Variants in XPO6 observed in about 807,000 individuals in gnomAD.
XPO6 encodes exportin-6.
A neutral mutation model predicts 130.0 loss-of-function variants in XPO6; 3 were observed. The observed-to-expected ratio is 0.02, with a 90% CI of 0.01 to 0.06. The LOEUF is 0.06. Ranked by LOEUF, XPO6 falls within the 10% of genes least tolerant of loss-of-function variation. The pLI, the probability that XPO6 is intolerant of heterozygous loss-of-function variation, is 1.00. For synonymous variants in XPO6, 524 were observed against 548.9 expected (o/e 0.95, Z 0.63); for missense variants, 970 against 1,393.0 (o/e 0.70, Z 4.83).
rs758995499 is a variant in XPO6, at chr16:28,156,468, T to A, written c.703A>T (p.Ile235Phe). Residue 235 changes from isoleucine (I) to phenylalanine (F), a missense_variant, in exon 7 of 24, where the codon ATT (isoleucine) becomes TTT (phenylalanine). Ile to Phe is a conservative substitution (Grantham distance 21). This residue lies in a region of XPO6 where 936 missense variants were observed against 1,306.8 expected (regional missense o/e 0.72). Transcript: ENST00000304658. ...TCACTCTCCACATCAAGGATGGGAA[T>A]TGGCTGATTCAACAGTTTGGCTGAA... Reference protein sequence around the residue: ...PSSAKLLNQPIPILDVESEYI... With the variant: ...PSSAKLLNQPFPILDVESEYI... 44 of 1,607,720 alleles carry A rather than the reference T, an allele frequency of 2.7e-5. 1 individual carries two copies. The highest frequency in any genetic ancestry group is 3.7e-5 in the Non-Finnish European group (44 of 1,175,272).
intron 15 of XPO6, among the ~76,000 whole-genome samples, chr16:28,113,268 G>A (rs931836570): frequency 1.3e-5 from 2 of 152,010 alleles, no homozygotes; most frequent in South Asian, 2.1e-4. Context: ...ACCTCCTCCC[G>A]TTCCTCCTTC....
At position 28,132,276 on chromosome 16, in the gene XPO6, T is replaced by G; in HGVS notation, c.1606+58A>C. 7.6e-7 allele frequency: 1 copy of G among 1,315,222 alleles called. No individual in the cohort carries two copies. Among genetic ancestry groups the G allele is most frequent in the Non-Finnish European group, 1.1e-6 (1 of 927,946 alleles). 81.5% of individuals were successfully genotyped at this position (1,315,222 alleles called of 1,614,324 possible). Reference sequence around the variant, plus strand: ...GACAGCAACGGCAGCAGTAATGAAATATCAGTCCGATGGTTTTTTGAATGT... The same window carrying G: ...GACAGCAACGGCAGCAGTAATGAAAGATCAGTCCGATGGTTTTTTGAATGT... On this transcript the variant is annotated intron_variant, in intron 12 of 23. Coordinates refer to ENST00000304658, the MANE Select transcript of XPO6 (RefSeq NM_015171.4). The surrounding 1 kb of genome is among the most constrained non-coding windows in gnomAD (Gnocchi z 4.0).
intron 9 of XPO6, among the ~76,000 whole-genome samples, chr16:28,143,443 A>G (rs1438018991): frequency 1.3e-5 from 2 of 152,208 alleles, no homozygotes; most frequent in Non-Finnish European, 2.9e-5. Context: ...AAGTACGTCC[A>G]TTTTGCAAGA....
At position 28,111,880 on chromosome 16, in the gene XPO6, G is replaced by A. The variant is rs1003901420; in HGVS notation, c.2278C>T (p.Arg760Trp). Residue 760 changes from arginine (R) to tryptophan (W), a missense_variant, in exon 17 of 24, where the codon CGG becomes TGG. By Grantham distance (101) the Arg-to-Trp change is moderately radical. Transcript: ENST00000304658. ...CTGGGCTTCAGGTTGCGATAGTCCCGGGAGAGTGCAGAGATGAGGCTGGCG... is the reference window on the plus strand; with the variant it reads ...CTGGGCTTCAGGTTGCGATAGTCCCAGGAGAGTGCAGAGATGAGGCTGGCG... The part of the protein sequence containing the change: ...NHASLISALS[R>W]DYRNLKPSAV... The A allele has an allele frequency of 8.7e-6, 14 of 1,614,044 alleles. No homozygotes were observed. The highest frequency in any genetic ancestry group is 6.6e-5 in the South Asian group (6 of 91,088).
Position 28,162,463 on chromosome 16 carries a change from CT to C in XPO6, c.643+4044del, listed in dbSNP as rs1474296563. On this transcript the variant is annotated intron_variant, in intron 6 of 23. Transcript: ENST00000304658. ...TAGCTTGATTACAAAACCTGTGACC[CT>C]GGCAGCGATACGCACCAATGCCCAC... Among the ~76,000 whole-genome samples the C allele has an allele frequency of 2.0e-5, 3 of 152,258 alleles. No homozygotes were observed. In the East Asian group the frequency reaches 5.8e-4, roughly 29 times the overall value.
chr16:28,174,144 G>C (rs1286668674), intron 4 of XPO6, among the ~76,000 whole-genome samples: 2 of 152,164 alleles, frequency 1.3e-5, no homozygotes, highest in African/African-American at 2.4e-5. Flanking sequence ...CAGAACGCCA[G>C]GGAAGTGTCT....
In XPO6 at chr16:28,098,238, C is replaced by T. The variant is rs955504321; in HGVS notation, c.*300G>A. 27 of 289,874 alleles carry T rather than the reference C, an allele frequency of 9.3e-5. No individual in the cohort carries two copies. Among genetic ancestry groups the T allele is most frequent in the Non-Finnish European group, 1.4e-4 (22 of 153,692 alleles). The allele number at this position is 289,874 out of a possible 1,614,324, so 18.0% of individuals were successfully genotyped here. ...CTTGGCAATTCTGCCCCATGAGCCACGTGCGCCTGGTCTGCATGGGCCACC... is the reference window on the plus strand; with the variant it reads ...CTTGGCAATTCTGCCCCATGAGCCATGTGCGCCTGGTCTGCATGGGCCACC... On this transcript the variant is annotated 3_prime_UTR_variant, in exon 24 of 24. Transcript: ENST00000304658.
At chr16:28,133,365 T>A (rs1329867488) in intron 11 of XPO6, among the ~76,000 whole-genome samples, 2 of 151,960 alleles carry the variant, frequency 1.3e-5, no homozygotes, top group Non-Finnish European at 2.9e-5. Context: ...CCCTAATAAC[T>A]GCCTTGCCTT....
chr16:28,194,238 A>G (rs907786565), intron 1 of XPO6, among the ~76,000 whole-genome samples: 1 of 152,168 alleles, frequency 6.6e-6, no homozygotes, highest in Non-Finnish European at 1.5e-5. Flanking sequence ...TTAAAAAAAA[A>G]GGAACAAAAT....
At chr16:28,184,742 C>T (rs909608717) in intron 1 of XPO6, among the ~76,000 whole-genome samples, 4 of 152,086 alleles carry the variant, frequency 2.6e-5, no homozygotes, top group African/African-American at 9.7e-5. Flanking sequence ...TAAGATAGTG[C>T]TACACATCTA....
At chr16:28,133,736 A>G in intron 11 of XPO6, 105 bp downstream of exon 11, 4 of 959,124 alleles carry the variant, frequency 4.2e-6, no homozygotes, top group Non-Finnish European at 6.3e-6. Flanking sequence ...AAAATTACAT[A>G]GAGGGGAAAG....
intron 4 of XPO6, among the ~76,000 whole-genome samples, chr16:28,172,876 C>T (rs531912840): frequency 6.6e-6 from 1 of 152,114 alleles, no homozygotes. Context: ...TTACCAATAC[C>T]TGAAGAAAAT....
chr16:28,132,172 A>G lies in XPO6; in HGVS notation c.1606+162T>C, dbSNP rs1019339020. Among the ~76,000 whole-genome samples, 1 of 152,208 alleles carries G rather than the reference A, an allele frequency of 6.6e-6. No homozygotes were observed. The highest frequency in any genetic ancestry group is 2.4e-5 in the African/African-American group (1 of 41,452). On this transcript the variant is annotated intron_variant, in intron 12 of 23. Coordinates refer to ENST00000304658, the MANE Select transcript of XPO6 (RefSeq NM_015171.4). The surrounding 1 kb of genome is among the most constrained non-coding windows in gnomAD (Gnocchi z 4.0). ...TTTACCTCCCCCACAGCTTTTCATC[A>G]TAAGCCTTTAAAAACGTTCCCTGTT...
At chr16:28,196,398 C>A (rs1306400963) in intron 1 of XPO6, among the ~76,000 whole-genome samples, 4 of 152,026 alleles carry the variant, frequency 2.6e-5, no homozygotes, top group Non-Finnish European at 5.9e-5. Context: ...TTTGTGGTCA[C>A]CAGGGGCTGG....
intron 1 of XPO6, among the ~76,000 whole-genome samples, chr16:28,195,233 T>G (rs2141896505): frequency 6.6e-6 from 1 of 152,264 alleles, no homozygotes; most frequent in South Asian, 2.1e-4. Flanking sequence ...TGGTGATTTT[T>G]CCTCCAAAGC....
intron 13 of XPO6, 99 bp downstream of exon 13, chr16:28,125,590 C>T: frequency 1.4e-6 from 2 of 1,458,208 alleles, no homozygotes; most frequent in Non-Finnish European, 1.8e-6. Flanking sequence ...TTACCCGGGG[C>T]CAGAGCAGAA....
chr16:28,158,958 G>A (rs985117079), intron 6 of XPO6, among the ~76,000 whole-genome samples: 2 of 152,078 alleles, frequency 1.3e-5, no homozygotes, highest in Non-Finnish European at 1.5e-5. Flanking sequence ...GGCCAGGAGC[G>A]GTGGCTCACA....
intron 1 of XPO6, chr16:28,208,913 A>G (rs1395931319): frequency 3.3e-5 from 5 of 152,238 alleles, no homozygotes; most frequent in African/African-American, 9.6e-5. Context: ...ATTATTCACA[A>G]TAGCCAAAGG....
intron 3 of XPO6, 132 bp downstream of exon 3, chr16:28,177,088 C>A: frequency 4.3e-6 from 2 of 465,054 alleles, no homozygotes; most frequent in Non-Finnish European, 7.7e-6. Flanking sequence ...TACATAAAGA[C>A]AGTATGTGGG....
Sources: allele counts gnomAD v4.1 joint callset (sites outside exome capture counted in the v4.1 genomes callset), GRCh38; gene constraint gnomAD v4.1.1; regional missense constraint gnomAD v4.1.1; non-coding constraint Gnocchi (gnomAD v3.1); transcripts MANE v1.5; gene names NCBI Gene and HGNC (gene_info 2026-07-23, HGNC 2026-07-21).